The following COPG1 variants were observed in gnomAD, a reference collection of about 807,000 sequenced individuals.
COPG1 encodes the protein coat protein complex I subunit gamma 1.
A neutral mutation model predicts 102.8 loss-of-function variants in COPG1; 29 were observed. That is an observed-to-expected ratio of 0.28 (90% CI 0.21 to 0.38). The LOEUF (loss-of-function observed/expected upper bound fraction) is 0.38. Among genes scored for constraint, COPG1 ranks in the 10% least tolerant of loss-of-function variants. COPG1 has a pLI of 1.00. For synonymous variants in COPG1, 406 were observed against 421.6 expected (o/e 0.96, Z 0.45); for missense variants, 875 against 1,132.7 (o/e 0.77, Z 3.27).
chr3:129,253,288 G>T (rs1045506260), intron 5 of COPG1, among the ~76,000 whole-genome samples: 2 of 152,194 alleles, frequency 1.3e-5, no homozygotes, highest in Non-Finnish European at 2.9e-5. Flanking sequence ...TGCTTACTAA[G>T]TGACTGGTGT....
intron 8 of COPG1, among the ~76,000 whole-genome samples, chr3:129,257,123 C>T (rs1939825076): frequency 6.6e-6 from 1 of 152,224 alleles, no homozygotes; most frequent in Non-Finnish European, 1.5e-5. Flanking sequence ...CTGGCTCCCA[C>T]CTTCTCTCTC....
intron 18 of COPG1, among the ~76,000 whole-genome samples, chr3:129,269,579 T>C (rs1175800673): frequency 2.6e-5 from 4 of 152,144 alleles, no homozygotes; most frequent in African/African-American, 4.8e-5. Flanking sequence ...TAAATAGTTC[T>C]TCACATGTTC....
At chr3:129,251,025 G>A (rs1403799253) in intron 2 of COPG1, 3 of 288,566 alleles carry the variant, frequency 1.0e-5, no homozygotes, top group South Asian at 9.4e-5. Flanking sequence ...CCAGGTTCAC[G>A]CCATTCTCCT....
chr3:129,254,641 A>T (rs1304794472), intron 5 of COPG1, 27 bp from the exon 6 acceptor site: 1 of 1,597,588 alleles, frequency 6.3e-7, no homozygotes, highest in African/African-American at 1.3e-5. Context: ...GGCTCTCTGC[A>T]TGCTGACAAT....
intron 5 of COPG1, chr3:129,253,216 G>T: frequency 2.4e-6 from 1 of 408,958 alleles, no homozygotes; most frequent in South Asian, 2.7e-5. Context: ...CTTTCCCAAA[G>T]ACTTTCTTGA....
intron 13 of COPG1, among the ~76,000 whole-genome samples, chr3:129,265,342 T>C (rs980468704): frequency 1.3e-5 from 2 of 152,194 alleles, no homozygotes; most frequent in African/African-American, 4.8e-5. Flanking sequence ...TCCACCCACC[T>C]CAGCCTCTCA....
rs1477135379 is a variant in COPG1, at chr3:129,249,773, G to A, written c.37+27G>A. 3.9e-6 allele frequency: 6 copies of A among 1,546,382 alleles called. No homozygotes were observed. In the South Asian group the frequency reaches 7.2e-5, roughly 19 times the overall value. ...TGAGGGGGCCAGGCCTGGGTCTGAGGGAGGCCGGACCCCCACCCGCCGAGC... is the reference window on the plus strand; with the variant it reads ...TGAGGGGGCCAGGCCTGGGTCTGAGAGAGGCCGGACCCCCACCCGCCGAGC... On this transcript the variant is annotated intron_variant, in intron 1 of 23. Transcript: ENST00000314797.
At chr3:129,268,676 T>C in intron 17 of COPG1, 56 bp downstream of exon 17, 1 of 1,586,774 alleles carries the variant, frequency 6.3e-7, no homozygotes, top group Non-Finnish European at 8.6e-7. Context: ...TTGGAGGGTC[T>C]GCATTGGCTG....
rs1312716774 is a variant in COPG1 at position 129,277,538 on chromosome 3, G to C, written c.*114G>C. ...AAGCTTCTGTATTGAAAAACAATTA[G>C]GAATCATTGCAGATTTTTTTTTATT... On this transcript the variant is annotated 3_prime_UTR_variant, in exon 24 of 24. Coordinates refer to ENST00000314797, the MANE Select transcript of COPG1 (RefSeq NM_016128.4). The C allele has an allele frequency of 6.9e-6, 8 of 1,159,550 alleles. No homozygotes were observed. The highest frequency in any genetic ancestry group is 7.2e-6 in the Non-Finnish European group (6 of 832,092). The allele number at this position is 1,159,550 out of a possible 1,614,324, so 71.8% of individuals were successfully genotyped here.
At chr3:129,263,756 G>A (rs533863825) in intron 12 of COPG1, 148 bp from the exon 13 acceptor site, 58 of 677,524 alleles carry the variant, frequency 8.6e-5, no homozygotes, top group African/African-American at 6.6e-4. Context: ...AGCTTCAAGC[G>A]TGGAGTTGAG....
intron 10 of COPG1, 129 bp from the exon 11 acceptor site, chr3:129,260,204 T>C: frequency 1.3e-6 from 1 of 797,662 alleles, no homozygotes; most frequent in Non-Finnish European, 2.1e-6. Context: ...CTCTGTGTCT[T>C]GGGTTGGGAT....
intron 21 of COPG1, among the ~76,000 whole-genome samples, chr3:129,273,144 T>C (rs1940212065): frequency 6.6e-6 from 1 of 152,204 alleles, no homozygotes; most frequent in Non-Finnish European, 1.5e-5. Context: ...TGCCTCAGCC[T>C]CCCAAGTAGC....
rs370219257 is a variant in COPG1 at position 129,257,583 on chromosome 3, G to C, written c.693G>C (p.Met231Ile). 4 of 1,614,238 alleles carry C rather than the reference G, an allele frequency of 2.5e-6. No individual in the cohort carries two copies. Among genetic ancestry groups the C allele is most frequent in the Non-Finnish European group, 3.4e-6 (4 of 1,180,046 alleles). ...HGLKSPFAYC[M>I]MIRVASKQLE... ...TTAAGTCTCCCTTTGCCTACTGCAT[G>C]ATGATCCGGGTGGCCAGCAAGCAGC... Residue 231 changes from methionine to isoleucine, a missense_variant, in exon 9 of 24, where the codon ATG becomes ATC. By Grantham distance (10) the Met-to-Ile change is conservative. Coordinates refer to ENST00000314797, the MANE Select transcript of COPG1 (RefSeq NM_016128.4).
chr3:129,256,057 G>T lies in COPG1; in HGVS notation c.493-11G>T, dbSNP rs762583744. On this transcript the variant is annotated splice_polypyrimidine_tract_variant and intron_variant, in intron 7 of 23. Transcript: ENST00000314797. ...TCCTACCTGCCCCTTAATGTGTCCT[G>T]TTGCCCACAGCACCTGCTGAAGTGC... 1 of 1,613,148 alleles carries T rather than the reference G, an allele frequency of 6.2e-7. No individual in the cohort carries two copies. Among genetic ancestry groups the T allele is most frequent in the East Asian group, 2.2e-5 (1 of 44,858 alleles).
In COPG1 at chr3:129,267,037, T is replaced by A; in HGVS notation, c.1482T>A (p.Ala494=). Reference sequence around the variant, plus strand: ...TCCTAAACACAGGTGCTGTGAGTGCTCTGGCGAAGTTTGGAGCCCAGAATG... The same window carrying A: ...TCCTAAACACAGGTGCTGTGAGTGCACTGGCGAAGTTTGGAGCCCAGAATG... ...HEEVRAGAVS[A]LAKFGAQNEE... The change falls in exon 15 of 24, where the codon GCT becomes GCA. Residue 494 remains alanine (A), a synonymous_variant. Transcript: ENST00000314797. The A allele has an allele frequency of 1.2e-6, 2 of 1,613,742 alleles. No individual in the cohort carries two copies. The highest frequency in any genetic ancestry group is 1.7e-6 in the Non-Finnish European group (2 of 1,179,760).
In COPG1 at chr3:129,277,682, T is replaced by C. The variant is rs1441580114; in HGVS notation, c.*258T>C. The C allele has an allele frequency of 7.9e-6, 3 of 382,158 alleles. No individual in the cohort carries two copies. Among genetic ancestry groups the C allele is most frequent in the Non-Finnish European group, 1.5e-5 (3 of 203,464 alleles). 23.7% of individuals were successfully genotyped at this position (382,158 alleles called of 1,614,324 possible). A position where few individuals can be genotyped will look rare whatever the true frequency, so the allele number is the denominator to read the frequency against. On this transcript the variant is annotated 3_prime_UTR_variant, in exon 24 of 24. Transcript: ENST00000314797. ...TGTCCACCCTTCCAGGAAAGGGACA[T>C]TGTAAATGAATAAAACATTCTCAAC...
intron 10 of COPG1, 47 bp from the exon 11 acceptor site, chr3:129,260,286 G>A: frequency 6.4e-7 from 1 of 1,571,620 alleles, no homozygotes; most frequent in South Asian, 1.1e-5. Flanking sequence ...TTTCCCAGCT[G>A]CCCAGCAGTG....
intron 18 of COPG1, among the ~76,000 whole-genome samples, chr3:129,270,129 A>G (rs1405061567): frequency 6.6e-6 from 1 of 150,578 alleles, no homozygotes; most frequent in Non-Finnish European, 1.5e-5. Flanking sequence ...ATAATCCAGG[A>G]TAACCCCTAG....
intron 4 of COPG1, 87 bp downstream of exon 4, chr3:129,252,781 G>C: frequency 6.5e-7 from 1 of 1,540,988 alleles, no homozygotes; most frequent in Non-Finnish European, 9.0e-7. Flanking sequence ...CCACCAGTCA[G>C]TGTGGGCTGC....
Sources: allele counts gnomAD v4.1 joint callset (sites outside exome capture counted in the v4.1 genomes callset), GRCh38; gene constraint gnomAD v4.1.1; transcripts MANE v1.5; gene names NCBI Gene and HGNC (gene_info 2026-07-23, HGNC 2026-07-21).